Variants in RASA1 observed in about 807,000 individuals in gnomAD.
RASA1 encodes the protein RAS p21 protein activator 1, also known as ras GTPase-activating protein 1.
RASA1 carries 25 observed loss-of-function variants against 132.2 expected under a neutral mutation model. The observed-to-expected ratio is 0.19, with a 90% confidence interval of 0.14 to 0.26. The LOEUF (loss-of-function observed/expected upper bound fraction) is 0.26. Ranked by LOEUF, RASA1 falls within the 10% of genes least tolerant of loss-of-function variation. The pLI is 1.00. For synonymous variants in RASA1, 477 were observed against 449.9 expected, an observed-to-expected ratio of 1.06 and a Z score of -0.76; for missense variants, 964 against 1,299.2, an observed-to-expected ratio of 0.74 and a Z score of 3.97.
chr5:87,305,451 G>GA (rs1755565396), intron 1 of RASA1, among the ~76,000 whole-genome samples: 1 of 152,176 alleles, frequency 6.6e-6, no homozygotes, highest in African/African-American at 2.4e-5. Flanking sequence ...CAGGTTGATT[G>GA]AAACTAGACC....
chr5:87,357,263 A>C (rs527555304), intron 9 of RASA1, among the ~76,000 whole-genome samples: 1 of 152,104 alleles, frequency 6.6e-6, no homozygotes, highest in South Asian at 2.1e-4. Flanking sequence ...ATATATGTGT[A>C]TTTTTTAAAT....
intron 1 of RASA1, among the ~76,000 whole-genome samples, chr5:87,300,880 A>T (rs867307057): frequency 2.0e-5 from 3 of 152,380 alleles, no homozygotes; most frequent in Middle Eastern, 6.8e-3. Context: ...AGGCAGATGC[A>T]TGAATTTCTG....
In RASA1 at chr5:87,390,688, A is replaced by G. The variant is rs1353134343; in HGVS notation, c.3061-112A>G. On this transcript the variant is annotated intron_variant, in intron 24 of 24. Transcript: ENST00000274376. Reference sequence around the variant, plus strand: ...CTTATGTTTTGAGGGGAATTGTGGTAATATTTTATGCATCCTTTTGCTTTG... The same window carrying G: ...CTTATGTTTTGAGGGGAATTGTGGTGATATTTTATGCATCCTTTTGCTTTG... 7.4e-6 allele frequency: 6 copies of G among 816,262 alleles called. No individual in the cohort carries two copies. In the African/African-American group the frequency reaches 1.0e-4, roughly 14 times the overall value. 50.6% of individuals were successfully genotyped at this position (816,262 alleles called of 1,614,324 possible).
At chr5:87,295,846 T>A (rs1755096921) in intron 1 of RASA1, among the ~76,000 whole-genome samples, 1 of 151,360 alleles carries the variant, frequency 6.6e-6, no homozygotes, top group Admixed American at 6.6e-5. Context: ...AGATGGAGTC[T>A]TGCTCTGTCA....
At chr5:87,292,667 C>T (rs1202432711) in intron 1 of RASA1, among the ~76,000 whole-genome samples, 1 of 152,046 alleles carries the variant, frequency 6.6e-6, no homozygotes, top group African/African-American at 2.4e-5. Context: ...ACTTTAGAAT[C>T]CGTTTGTTGA....
At chr5:87,362,749 A>T in intron 10 of RASA1, 78 bp downstream of exon 10, 1 of 1,491,996 alleles carries the variant, frequency 6.7e-7, no homozygotes, top group Non-Finnish European at 9.3e-7. Context: ...TGTGATATAT[A>T]TTTAATAAGT....
At chr5:87,366,475 T>C (rs576379766) in intron 11 of RASA1, 20 of 294,912 alleles carry the variant, frequency 6.8e-5, no homozygotes, top group African/African-American at 3.7e-4. Context: ...AAGTTGAAGA[T>C]TGTGAATGAT....
At chr5:87,382,050 C>G (rs1397594770) in intron 20 of RASA1, among the ~76,000 whole-genome samples, 2 of 152,126 alleles carry the variant, frequency 1.3e-5, no homozygotes, top group African/African-American at 4.8e-5. Flanking sequence ...CTCCCAGGTT[C>G]AAGTGAGATT....
intron 11 of RASA1, among the ~76,000 whole-genome samples, chr5:87,368,725 G>T (rs530710390): frequency 1.3e-5 from 2 of 152,182 alleles, no homozygotes; most frequent in African/African-American, 4.8e-5. Context: ...AGCCTTTTAG[G>T]AACTATTTTC....
intron 1 of RASA1, among the ~76,000 whole-genome samples, chr5:87,269,619 G>T (rs996175995): frequency 1.3e-5 from 2 of 152,146 alleles, no homozygotes; most frequent in African/African-American, 4.8e-5. Context: ...TCTTCCATAG[G>T]CTTGCCACTT....
At chr5:87,274,656 G>T (rs1216312593) in intron 1 of RASA1, among the ~76,000 whole-genome samples, 1 of 152,096 alleles carries the variant, frequency 6.6e-6, no homozygotes, top group East Asian at 1.9e-4. Context: ...ATTCAGGCTA[G>T]GTTAAGATAA....
chr5:87,307,790 C>G (rs1755690077), intron 1 of RASA1, among the ~76,000 whole-genome samples: 1 of 151,950 alleles, frequency 6.6e-6, no homozygotes, highest in Non-Finnish European at 1.5e-5. Context: ...ATCTTTGTTT[C>G]ATTGATTTAC....
intron 1 of RASA1, among the ~76,000 whole-genome samples, chr5:87,328,018 A>G (rs1172313414): frequency 3.3e-5 from 5 of 152,082 alleles, no homozygotes; most frequent in Non-Finnish European, 7.4e-5. Context: ...TAAAAAAGAA[A>G]AGTTTTTGTT....
intron 12 of RASA1, among the ~76,000 whole-genome samples, chr5:87,370,154 C>T (rs1474043682): frequency 2.6e-5 from 4 of 152,102 alleles, no homozygotes; most frequent in African/African-American, 9.7e-5. Context: ...GATGTTGAGG[C>T]CAACTGAGAA....
intron 11 of RASA1, among the ~76,000 whole-genome samples, chr5:87,364,652 A>G (rs1276638649): frequency 6.6e-6 from 1 of 152,080 alleles, no homozygotes; most frequent in Non-Finnish European, 1.5e-5. Context: ...TGGTTGATTC[A>G]GGCCTCTGTC....
Position 87,268,685 on chromosome 5 carries a change from A to C in RASA1, c.234A>C (p.Ala78=), listed in dbSNP as rs763532702. The C allele has an allele frequency of 5.6e-6, 9 of 1,611,658 alleles. No individual in the cohort carries two copies. Among genetic ancestry groups the C allele is most frequent in the Non-Finnish European group, 7.6e-6 (9 of 1,179,068 alleles). The change falls in exon 1 of 25, where the codon GCA becomes GCC. Residue 78 remains alanine (A), a synonymous_variant. Coordinates refer to ENST00000274376, the MANE Select transcript of RASA1 (RefSeq NM_002890.3). ...GSEFLGAGSV[A]GALGGAGLTG... ...AGTTCCTAGGAGCCGGGTCTGTGGC[A>C]GGGGCACTGGGGGGAGCTGGACTGA... is the stretch of plus-strand genomic sequence containing the variant.
chr5:87,380,635 A>G, intron 20 of RASA1, 40 bp downstream of exon 20: 2 of 1,502,906 alleles, frequency 1.3e-6, no homozygotes, highest in Non-Finnish European at 1.9e-6. Flanking sequence ...ACATACTAAT[A>G]GGTGGATAAT....
intron 15 of RASA1, among the ~76,000 whole-genome samples, chr5:87,376,047 C>A (rs1219895419): frequency 1.3e-5 from 2 of 152,112 alleles, no homozygotes; most frequent in Non-Finnish European, 2.9e-5. Context: ...CCTCCACAGG[C>A]TGAATTAGAT....
At chr5:87,307,717 A>G (rs1755685387) in intron 1 of RASA1, among the ~76,000 whole-genome samples, 1 of 152,160 alleles carries the variant, frequency 6.6e-6, no homozygotes, top group Non-Finnish European at 1.5e-5. Flanking sequence ...ATCAGTCTTA[A>G]CAAAATGTTG....
Sources: gnomAD v4.1 joint callset for allele counts (sites outside exome capture counted in the v4.1 genomes callset) on GRCh38, gnomAD v4.1.1 for gene constraint, MANE v1.5 for transcripts, NCBI Gene and HGNC (gene_info 2026-07-23, HGNC 2026-07-21) for gene names.